Variants in BNC1 observed in about 807,000 individuals in gnomAD.
The protein encoded by BNC1 is zinc finger protein basonuclin-1.
Under a neutral mutation model 66.5 loss-of-function variants are expected in BNC1, and 8 were observed. The observed-to-expected ratio is 0.12, with a 90% CI of 0.07 to 0.22. BNC1 has a LOEUF of 0.22. Ranked by LOEUF, BNC1 falls within the 10% of genes least tolerant of loss-of-function variation. The probability of loss-of-function intolerance (pLI) is 1.00; values close to 1 mark genes in which losing one functional copy is unlikely to be tolerated. For synonymous variants in BNC1, 454 were observed against 452.6 expected, an observed-to-expected ratio of 1.00 and a Z score of -0.04; for missense variants, 1,069 against 1,241.3, an observed-to-expected ratio of 0.86 and a Z score of 2.09.
intron 4 of BNC1, among the ~76,000 whole-genome samples, chr15:83,261,733 CGT>C (rs1470998903): frequency 6.6e-6 from 1 of 152,144 alleles, no homozygotes; most frequent in African/African-American, 2.4e-5. Flanking sequence ...AGTTTGCCTG[CGT>C]GTGTGTGTCA....
At chr15:83,276,690 CAA>C (rs1321788640) in intron 1 of BNC1, among the ~76,000 whole-genome samples, 1 of 152,230 alleles carries the variant, frequency 6.6e-6, no homozygotes, top group Non-Finnish European at 1.5e-5. Flanking sequence ...TTTCTTGGAA[CAA>C]GAACCTGATG....
chr15:83,258,032 C>G lies in BNC1; in HGVS notation c.2395G>C (p.Asp799His), dbSNP rs752898638. Residue 799 changes from aspartate (D) to histidine (H), a missense_variant, in exon 5 of 5, where the codon GAT becomes CAT. Transcript: ENST00000345382. ...DHFRAAYLLK[D>H]VAKEAYQDVA... ...TCCTGATAGGCTTCCTTAGCCACAT[C>G]TTTCAGAAGGTAAGCTGCACGGAAA... 3.8e-5 allele frequency: 61 copies of G among 1,613,928 alleles called. No individual in the cohort carries two copies. The highest frequency in any genetic ancestry group is 1.7e-4 in the Admixed American group (10 of 60,000).
intron 1 of BNC1, among the ~76,000 whole-genome samples, chr15:83,276,776 G>A (rs187018750): frequency 6.6e-6 from 1 of 152,214 alleles, no homozygotes; most frequent in Non-Finnish European, 1.5e-5. Context: ...TGAGAAGAAA[G>A]AGTAGCAACT....
Position 83,263,568 on chromosome 15 carries a change from G to C in BNC1, c.1683C>G (p.Leu561=). The change falls in exon 4 of 5, where the codon CTC becomes CTG. Residue 561 remains leucine (L), a synonymous_variant. Coordinates refer to ENST00000345382, the MANE Select transcript of BNC1 (RefSeq NM_001717.4). ...GTAGGGGCATGTCTTCATCTGAGCT[G>C]AGGTTGTGTCTTTTCTCATTAGCTA... ...VEIANEKRHN[L]SSDEDMPLQV... is the part of the protein sequence containing the mutation. 6.2e-7 allele frequency: 1 copy of C among 1,614,240 alleles called. No homozygotes were observed. The highest frequency in any genetic ancestry group is 8.5e-7 in the Non-Finnish European group (1 of 1,180,058).
intron 1 of BNC1, among the ~76,000 whole-genome samples, chr15:83,279,018 G>A (rs2038353634): frequency 6.6e-6 from 1 of 152,118 alleles, no homozygotes; most frequent in South Asian, 2.1e-4. Context: ...CTGATTTGAA[G>A]AAACCAACTG....
chr15:83,262,045 GTTTT>G (rs5814139), intron 4 of BNC1, among the ~76,000 whole-genome samples: 84 of 110,548 alleles, frequency 7.6e-4, no homozygotes, highest in African/African-American at 3.1e-3. Flanking sequence ...ACTAGTTCAT[GTTTT>G]TTTTTTTTTT....
chr15:83,268,015 G>T (rs1269451261), intron 2 of BNC1, 118 bp downstream of exon 2: 8 of 801,700 alleles, frequency 1.0e-5, no homozygotes, highest in Non-Finnish European at 1.6e-5. Context: ...GGACATGCTA[G>T]TAACTTACTA....
At chr15:83,283,289 A>C in intron 1 of BNC1, 1 of 1,515,580 alleles carries the variant, frequency 6.6e-7, no homozygotes, top group Non-Finnish European at 8.8e-7. Flanking sequence ...ATCTTGTCAC[A>C]TCTGGCTGAC....
rs999998684 is a variant in BNC1, at chr15:83,266,885, T to C, written c.386A>G (p.His129Arg). The C allele has an allele frequency of 3.1e-6, 5 of 1,614,180 alleles. No individual in the cohort carries two copies. Among genetic ancestry groups the C allele is most frequent in the African/African-American group, 1.3e-5 (1 of 75,050 alleles). ...ATCCTGAAGTGTCCAGTCCAAGGCA[T>C]GGAGGATCTGGAGAACCTCATCTTG... Reference protein sequence around the residue: ...LKQDEVLQILHALDWTLQDYI... With the variant: ...LKQDEVLQILRALDWTLQDYI... Residue 129 changes from histidine to arginine, a missense_variant, in exon 3 of 5, where the codon CAT (histidine) becomes CGT (arginine). His to Arg is a conservative substitution (Grantham distance 29). Around this residue, in one of 7 missense-constraint regions of BNC1, gnomAD observed 39 missense variants for 89.5 expected, o/e 0.44. Transcript: ENST00000345382.
rs1433712861 is a variant in BNC1 at position 83,263,800 on chromosome 15, G to A, written c.1451C>T (p.Thr484Ile). ...GTAGAAAGGAAGGACTGGCTGGACTGTCTTTAGGTTGGGAAAAAGCACACC... is the reference window on the plus strand; with the variant it reads ...GTAGAAAGGAAGGACTGGCTGGACTATCTTTAGGTTGGGAAAAAGCACACC... ...QNGVLFPNLK[T>I]VQPVLPFYRS... Residue 484 changes from threonine to isoleucine, a missense_variant, in exon 4 of 5, where the codon ACA (threonine) becomes ATA (isoleucine). Thr to Ile is a moderately conservative substitution (Grantham distance 89). Around this residue, in one of 7 missense-constraint regions of BNC1, gnomAD observed 657 missense variants for 715.8 expected, o/e 0.92. Coordinates refer to ENST00000345382, the MANE Select transcript of BNC1 (RefSeq NM_001717.4). The A allele has an allele frequency of 5.6e-6, 9 of 1,614,208 alleles. No individual in the cohort carries two copies. In the Admixed American group the frequency reaches 1.5e-4, roughly 27 times the overall value.
chr15:83,263,015 C>T lies in BNC1; in HGVS notation c.2236G>A (p.Glu746Lys), dbSNP rs1233097146. Reference protein sequence around the residue: ...KIHHKNMHVKEMHTCTVEGCN... With the variant: ...KIHHKNMHVKKMHTCTVEGCN... ...CCCTCCACTGTGCATGTGTGCATTT[C>T]TTTGACATGCATATTCTTGTGATGA... The change falls in exon 4 of 5, where the codon GAA (glutamate) becomes AAA (lysine). Residue 746 changes from glutamate (E) to lysine (K), a missense_variant. Transcript: ENST00000345382. The T allele has an allele frequency of 6.2e-7, 1 of 1,614,148 alleles. No individual in the cohort carries two copies. The highest frequency in any genetic ancestry group is 1.1e-5 in the South Asian group (1 of 91,070).
At chr15:83,265,520 G>C (rs779944050) in intron 3 of BNC1, among the ~76,000 whole-genome samples, 18 of 152,214 alleles carry the variant, frequency 1.2e-4, no homozygotes, top group Non-Finnish European at 2.1e-4. Flanking sequence ...TCATGCACTA[G>C]AGGTTCAAGG....
chr15:83,274,529 C>T (rs1248268349), intron 1 of BNC1, among the ~76,000 whole-genome samples: 1 of 152,200 alleles, frequency 6.6e-6, no homozygotes, highest in Non-Finnish European at 1.5e-5. Context: ...GAAAGCTCTA[C>T]TGGACAAGGC....
At chr15:83,260,185 A>C (rs980070240) in intron 4 of BNC1, among the ~76,000 whole-genome samples, 8 of 152,120 alleles carry the variant, frequency 5.3e-5, no homozygotes, top group African/African-American at 1.9e-4. Flanking sequence ...ACGTAACACA[A>C]TTTTGCAACA....
rs1323071682 is a variant in BNC1 at position 83,278,049 on chromosome 15, G to A, written c.99+6481C>T. Among the ~76,000 whole-genome samples, 4 of 152,062 alleles carry A rather than the reference G, an allele frequency of 2.6e-5. No homozygotes were observed. The East Asian group carries it at 7.7e-4, about 29-fold the overall frequency. On this transcript the variant is annotated intron_variant, in intron 1 of 4. Coordinates refer to ENST00000345382, the MANE Select transcript of BNC1 (RefSeq NM_001717.4). ...GGTACAACTAGGATTCTGAAAAATA[G>A]TATCACCCTTTGCCAAATAGGTAAT...
chr15:83,265,500 C>A (rs2038208013), intron 3 of BNC1, among the ~76,000 whole-genome samples: 1 of 152,168 alleles, frequency 6.6e-6, no homozygotes, highest in Non-Finnish European at 1.5e-5. Context: ...AATGTAACAT[C>A]ATAAATTTTT....
Position 83,264,183 on chromosome 15 carries a change from C to T in BNC1, c.1068G>A (p.Arg356=), listed in dbSNP as rs953634804. 6.2e-6 allele frequency: 10 copies of T among 1,614,136 alleles called. No individual in the cohort carries two copies. The highest frequency in any genetic ancestry group is 8.5e-6 in the Non-Finnish European group (10 of 1,180,034). The part of the protein sequence containing the change: ...ERNSLGTKKG[R]VFCTACEKTF... ...TCTTCTCACATGCAGTGCAGAACAC[C>T]CGGCCCTTCTTTGTACCAAGGCTAT... Residue 356 remains arginine, a synonymous_variant, in exon 4 of 5, where the codon CGG becomes CGA. Transcript: ENST00000345382.
In BNC1 at chr15:83,264,723, G is replaced by C. The variant is rs376941170; in HGVS notation, c.528C>G (p.Thr176=). The C allele has an allele frequency of 2.5e-6, 4 of 1,613,952 alleles. No homozygotes were observed. In the African/African-American group the frequency reaches 4.0e-5, roughly 16 times the overall value. Residue 176 remains threonine, a synonymous_variant, in exon 4 of 5, where the codon ACC becomes ACG. Coordinates refer to ENST00000345382, the MANE Select transcript of BNC1 (RefSeq NM_001717.4). ...TLQQFLRFGE[T]KSIVELMAIQ... ...TTGCCATGAGTTCAACTATAGATTTGGTCTCTCCAAAACGAAGGAACTGCT... is the reference window on the plus strand; with the variant it reads ...TTGCCATGAGTTCAACTATAGATTTCGTCTCTCCAAAACGAAGGAACTGCT...
At chr15:83,264,944 G>A in intron 3 of BNC1, 129 bp from the exon 4 acceptor site, 1 of 933,430 alleles carries the variant, frequency 1.1e-6, no homozygotes, top group Non-Finnish European at 1.6e-6. Flanking sequence ...AGGGCTTTGG[G>A]GAATTTAGTC....
Sources: allele counts gnomAD v4.1 joint callset (sites outside exome capture counted in the v4.1 genomes callset), GRCh38; gene constraint gnomAD v4.1.1; regional missense constraint gnomAD v4.1.1; transcripts MANE v1.5; gene names NCBI Gene and HGNC (gene_info 2026-07-23, HGNC 2026-07-21).